The following PDE4DIP variants were observed in gnomAD, a reference collection of about 807,000 sequenced individuals.
PDE4DIP encodes the protein myomegalin.
A neutral mutation model predicts 221.4 loss-of-function variants in PDE4DIP; 59 were observed. The ratio of observed to expected loss-of-function variants is 0.27; its 90% CI spans 0.22 to 0.33. The LOEUF is 0.33. PDE4DIP is among the 10% of genes least tolerant of loss of function. PDE4DIP has a pLI of 1.00. For missense variants in PDE4DIP, 1,036 were observed against 2,154.2 expected (o/e 0.48, Z 10.28); for synonymous variants, 404 against 815.9 (o/e 0.50, Z 8.60).
At chr1:149,023,118 T>G (rs2073645904) in intron 37 of PDE4DIP, among the ~76,000 whole-genome samples, 1 of 152,236 alleles carries the variant, frequency 6.6e-6, no homozygotes, top group South Asian at 2.1e-4. Context: ...CCCTGCCTTT[T>G]AGGACTCATT....
At chr1:148,987,069 A>G (rs782084030) in intron 21 of PDE4DIP, among the ~76,000 whole-genome samples, 2 of 152,202 alleles carry the variant, frequency 1.3e-5, no homozygotes, top group African/African-American at 2.4e-5. Context: ...CATACCCCCA[A>G]AAGTATTTTA....
chr1:149,020,898 T>C, intron 36 of PDE4DIP, 131 bp from the exon 40 acceptor site: 1 of 574,748 alleles, frequency 1.7e-6, no homozygotes, highest in Non-Finnish European at 3.1e-6. Flanking sequence ...TGAGTTGACA[T>C]CTGGGGCTCA....
intron 5 of PDE4DIP, chr1:148,952,380 C>T (rs2053625469): frequency 9.3e-7 from 1 of 1,074,360 alleles, no homozygotes; most frequent in South Asian, 4.3e-5. Context: ...ATCTGATCCT[C>T]CATCCCCGAG....
intron 1 of PDE4DIP, among the ~76,000 whole-genome samples, chr1:148,829,017 A>AACACACACACAC (rs5777522): frequency 4.2e-4 from 60 of 143,408 alleles, no homozygotes; most frequent in African/African-American, 1.5e-3. Context: ...TTCCTGCATA[A>AACACACACACAC]ACACACACAC....
chr1:148,884,759 T>C (rs587629594), upstream of PDE4DIP, among the ~76,000 whole-genome samples: 315 of 151,828 alleles, frequency 2.1e-3, no homozygotes, highest in East Asian at 5.3e-3. Flanking sequence ...GCCCAGTTTT[T>C]ACTATTTGTA....
At chr1:148,988,014 C>T (rs1172945637) in intron 21 of PDE4DIP, among the ~76,000 whole-genome samples, 1 of 152,168 alleles carries the variant, frequency 6.6e-6, no homozygotes, top group African/African-American at 2.4e-5. Flanking sequence ...TTTTGTAAGG[C>T]ACCTATTCCA....
chr1:149,000,562 A>T (rs587606877), intron 23 of PDE4DIP, among the ~76,000 whole-genome samples: 467 of 151,038 alleles, frequency 3.1e-3, no homozygotes, highest in South Asian at 0.016. Context: ...TCAAAAAAAA[A>T]AAATAAATAA....
At chr1:148,863,399 A>G (rs1553403540) in intron 2 of PDE4DIP, 94 bp downstream of exon 2, 1 of 468,178 alleles carries the variant, frequency 2.1e-6, no homozygotes. Flanking sequence ...CTCTGTCACT[A>G]TGGATGTAGT....
chr1:148,922,941 A>C (rs1420140793), intron 1 of PDE4DIP, among the ~76,000 whole-genome samples: 1 of 130,320 alleles, frequency 7.7e-6, no homozygotes, highest in Non-Finnish European at 1.6e-5. Flanking sequence ...GCTGGAGTAG[A>C]TTTTTTATTT....
intron 2 of PDE4DIP, chr1:148,930,707 C>G (rs587709648): frequency 3.9e-4 from 59 of 149,374 alleles, no homozygotes; most frequent in Admixed American, 3.9e-3. Flanking sequence ...ATAGATGACA[C>G]AAACAAATGG....
At chr1:148,949,793 T>A (rs2052690585) in intron 5 of PDE4DIP, among the ~76,000 whole-genome samples, 1 of 152,034 alleles carries the variant, frequency 6.6e-6, no homozygotes, top group African/African-American at 2.4e-5. Flanking sequence ...TACAATAGCT[T>A]ATATCCACTT....
intron 5 of PDE4DIP, chr1:148,953,890 G>T (rs1443963926): frequency 6.2e-7 from 1 of 1,612,478 alleles, no homozygotes; most frequent in Non-Finnish European, 8.5e-7. Flanking sequence ...AAGATTATTT[G>T]CCGCTCCGGG....
At chr1:148,951,561 A>G (rs2053250910) in intron 5 of PDE4DIP, among the ~76,000 whole-genome samples, 1 of 152,226 alleles carries the variant, frequency 6.6e-6, no homozygotes, top group African/African-American at 2.4e-5. Flanking sequence ...CTTTTGCGCT[A>G]GTGTTTGTCT....
chr1:149,017,905 T>G (rs587670282), intron 34 of PDE4DIP, 26 bp downstream of exon 37: 24 of 1,561,604 alleles, frequency 1.5e-5, no homozygotes, highest in Non-Finnish European at 2.1e-5. Context: ...ACCTTCCTGT[T>G]TCTGGCTCTA....
chr1:148,963,858 A>G (rs1284261915), intron 9 of PDE4DIP, among the ~76,000 whole-genome samples: 4 of 130,504 alleles, frequency 3.1e-5, no homozygotes, highest in African/African-American at 1.2e-4. Flanking sequence ...GGTTCACGCC[A>G]TTCTCCTGCC....
intron 41 of PDE4DIP, among the ~76,000 whole-genome samples, chr1:149,029,458 G>A (rs587730373): frequency 4.7e-4 from 72 of 152,314 alleles, no homozygotes; most frequent in African/African-American, 1.7e-3. Context: ...TACCTGTGAA[G>A]GGAGAGTGAC....
exon 44 of PDE4DIP, chr1:149,032,854 G>A (rs1379654144): frequency 1.4e-5 from 3 of 207,662 alleles, no homozygotes; most frequent in African/African-American, 6.9e-5. Context: ...CTGGTAGAAT[G>A]TGTTTGTGTG....
At chr1:148,985,721 TGTTTAAA>T (rs1553548869) in intron 21 of PDE4DIP, 1 of 152,214 alleles carries the variant, frequency 6.6e-6, no homozygotes, top group East Asian at 1.9e-4. Flanking sequence ...CCCTTTTTTT[TGTTTAAA>T]GTCAAATTCC....
chr1:148,963,374 C>A lies in PDE4DIP; in HGVS notation c.1194+734C>A, dbSNP rs587620261. Among the ~76,000 whole-genome samples the A allele has an allele frequency of 4.6e-5, 7 of 152,226 alleles. No homozygotes were observed. In the South Asian group the frequency reaches 1.5e-3, roughly 32 times the overall value. On this transcript the variant is annotated intron_variant, in intron 9 of 43. Transcript: ENST00000369354. ...GGGCGACTGCCGTATTGAGTTGTAC[C>A]CTGGAAATACAAGGATGAATAGCAC...
Sources: allele counts gnomAD v4.1 joint callset (sites outside exome capture counted in the v4.1 genomes callset), GRCh38; gene constraint gnomAD v4.1.1; transcripts MANE v1.5; gene names NCBI Gene and HGNC (gene_info 2026-07-23, HGNC 2026-07-21).